Variants in PEAK1 observed in about 807,000 individuals in gnomAD.
PEAK1 encodes inactive tyrosine-protein kinase PEAK1.
In PEAK1, 54 loss-of-function variants were observed where a neutral mutation model predicts 124.7. The ratio of observed to expected loss-of-function variants is 0.43; its 90% CI spans 0.35 to 0.54. PEAK1 has a LOEUF of 0.54. Ranked by LOEUF, PEAK1 falls within the 20% of genes least tolerant of loss-of-function variation. PEAK1 has a pLI of 0.01. For synonymous variants in PEAK1, 719 were observed against 760.0 expected, an observed-to-expected ratio of 0.95 and a Z score of 0.89; for missense variants, 2,046 against 2,134.5, an observed-to-expected ratio of 0.96 and a Z score of 0.82.
In PEAK1 at chr15:77,179,116, T is replaced by G; in HGVS notation, c.2811A>C (p.Thr937=). The change falls in exon 7 of 10, where the codon ACA becomes ACC. Residue 937 remains threonine (T), a synonymous_variant. Transcript: ENST00000682557. ...CTTTCTCTTTGTCATCCTCCTCATC[T>G]GTTTTCCGACGGCGGAAGAAGCTTT... is the stretch of plus-strand genomic sequence containing the variant. The part of the protein sequence containing the change: ...SFKSFFRRRK[T]DEEDDKEKER... 1.2e-6 allele frequency: 2 copies of G among 1,614,206 alleles called. No individual in the cohort carries two copies. Among genetic ancestry groups the G allele is most frequent in the South Asian group, 2.2e-5 (2 of 91,088 alleles).
At position 77,108,616 on chromosome 15, in the gene PEAK1, T is replaced by C. The variant is rs1182243903; in HGVS notation, c.*5540A>G. 1 of 152,340 alleles carries C rather than the reference T, an allele frequency of 6.6e-6. No homozygotes were observed. The highest frequency in any genetic ancestry group is 2.4e-5 in the African/African-American group (1 of 41,572). 9.4% of individuals were successfully genotyped at this position (152,340 alleles called of 1,614,324 possible). On this transcript the variant is annotated 3_prime_UTR_variant, in exon 10 of 10. Transcript: ENST00000682557. ...TTTAACCTTTCAAAAATGAACCCTA[T>C]GTCTGGTTCAACATTCAAGTTATCA... is the stretch of plus-strand genomic sequence containing the variant.
At chr15:77,355,839 T>C in intron 2 of PEAK1, 1 of 985,238 alleles carries the variant, frequency 1.0e-6, no homozygotes, top group East Asian at 1.1e-4. Flanking sequence ...GCTGACCCCC[T>C]CCCAGAATAT....
intron 7 of PEAK1, 128 bp downstream of exon 7, chr15:77,178,662 T>TA: frequency 1.1e-6 from 1 of 870,788 alleles, no homozygotes; most frequent in Non-Finnish European, 1.7e-6. Flanking sequence ...GTTATAAAGA[T>TA]AGATGATGGC....
intron 2 of PEAK1, among the ~76,000 whole-genome samples, chr15:77,354,278 G>A (rs1021503180): frequency 2.0e-5 from 3 of 152,186 alleles, no homozygotes; most frequent in Non-Finnish European, 4.4e-5. Context: ...CAACTTGAGA[G>A]TCATCTCTGA....
At chr15:77,232,341 T>C (rs1001124995) in intron 6 of PEAK1, among the ~76,000 whole-genome samples, 4 of 151,914 alleles carry the variant, frequency 2.6e-5, no homozygotes, top group Admixed American at 2.0e-4. Flanking sequence ...ACACACACTG[T>C]GCCAACTGTG....
intron 6 of PEAK1, among the ~76,000 whole-genome samples, chr15:77,201,440 G>A (rs183001784): frequency 3.3e-5 from 5 of 151,794 alleles, no homozygotes; most frequent in South Asian, 2.1e-4. Context: ...GGGTTTCATC[G>A]TGTTAGCCAG....
chr15:77,396,812 A>AAG (rs1166618643), intron 1 of PEAK1, among the ~76,000 whole-genome samples: 1 of 151,978 alleles, frequency 6.6e-6, no homozygotes, highest in Non-Finnish European at 1.5e-5. Context: ...GCAAGCAAGC[A>AAG]AGAGAGAGAG....
chr15:77,336,778 C>T (rs761012244), intron 2 of PEAK1, among the ~76,000 whole-genome samples: 8 of 151,536 alleles, frequency 5.3e-5, no homozygotes, highest in Non-Finnish European at 1.5e-5. Flanking sequence ...AAGACAAATA[C>T]ACAGTATACA....
At chr15:77,355,832 G>A in intron 2 of PEAK1, 4 of 985,260 alleles carry the variant, frequency 4.1e-6, no homozygotes, top group Non-Finnish European at 3.6e-6. Flanking sequence ...AAAAACTGCT[G>A]ACCCCCTCCC....
At chr15:77,263,097 C>G (rs2061527221) in intron 5 of PEAK1, among the ~76,000 whole-genome samples, 1 of 152,096 alleles carries the variant, frequency 6.6e-6, no homozygotes, top group South Asian at 2.1e-4. Context: ...GGGACACATT[C>G]AAAGCAGTGC....
At position 77,109,318 on chromosome 15, in the gene PEAK1, TTCATCA is replaced by T. The variant is rs147985239; in HGVS notation, c.*4832_*4837del. 5 of 152,166 alleles carry T rather than the reference TTCATCA, an allele frequency of 3.3e-5. No homozygotes were observed. The highest frequency in any genetic ancestry group is 9.7e-5 in the African/African-American group (4 of 41,402). 9.4% of individuals were successfully genotyped at this position (152,166 alleles called of 1,614,324 possible). ...TGTATCTGCCAGGGCTTTCTTCATC[TTCATCA>T]TCATCATCATCTTCTAATATACAAA... On this transcript the variant is annotated 3_prime_UTR_variant, in exon 10 of 10. Transcript: ENST00000682557.
In PEAK1 at chr15:77,238,343, C is replaced by T. The variant is rs112753178; in HGVS notation, c.-115+14024G>A. Among the ~76,000 whole-genome samples the T allele has an allele frequency of 1.8e-3, 270 of 152,170 alleles. 2 individuals carry two copies. The highest frequency in any genetic ancestry group is 5.6e-3 in the African/African-American group (233 of 41,562). Reference sequence around the variant, plus strand: ...TGTCTATCCTCAGTGTCTCTCAACTCGCCTTTTTTTTCTTCCTGTTTGTCC... The same window carrying T: ...TGTCTATCCTCAGTGTCTCTCAACTTGCCTTTTTTTTCTTCCTGTTTGTCC... On this transcript the variant is annotated intron_variant, in intron 6 of 9. Coordinates refer to ENST00000682557, the MANE Select transcript of PEAK1 (RefSeq NM_001385026.1).
intron 6 of PEAK1, among the ~76,000 whole-genome samples, chr15:77,241,643 T>C (rs920515606): frequency 2.0e-5 from 3 of 151,758 alleles, no homozygotes; most frequent in Non-Finnish European, 4.4e-5. Context: ...ATGGTCAACA[T>C]AGAAAAATCA....
At chr15:77,389,002 G>A (rs546961462) in intron 1 of PEAK1, among the ~76,000 whole-genome samples, 5 of 137,834 alleles carry the variant, frequency 3.6e-5, no homozygotes, top group East Asian at 2.1e-4. Context: ...TTGCTCTGTC[G>A]CCCAGGCTGG....
chr15:77,181,215 C>G lies in PEAK1; in HGVS notation c.712G>C (p.Glu238Gln). The change falls in exon 7 of 10, where the codon GAG becomes CAG. Residue 238 changes from glutamate to glutamine, a missense_variant. Glu to Gln is a conservative substitution (Grantham distance 29, BLOSUM62 2). Transcript: ENST00000682557. Reference protein sequence around the residue: ...PEFSSGEESEEDVLFSNMEEE... With the variant: ...PEFSSGEESEQDVLFSNMEEE... ...TCCATGTTACTGAAAAGTACATCCT[C>G]TTCACTCTCCTCGCCACTGGAAAAC... 6.2e-7 allele frequency: 1 copy of G among 1,614,000 alleles called. No individual in the cohort carries two copies. Among genetic ancestry groups the G allele is most frequent in the Non-Finnish European group, 8.5e-7 (1 of 1,179,980 alleles).
At chr15:77,371,999 TC>T (rs2068677116) in intron 1 of PEAK1, among the ~76,000 whole-genome samples, 1 of 152,212 alleles carries the variant, frequency 6.6e-6, no homozygotes, top group Non-Finnish European at 1.5e-5. Context: ...AGTTGAACAG[TC>T]ATAGAGAAAA....
In PEAK1 at chr15:77,180,639, C is replaced by G; in HGVS notation, c.1288G>C (p.Val430Leu). ...RLEEKDGKIA[V>L]QTEKEESKAS... ...TTACTTTCTTCCTTCTCAGTTTGTA[C>G]AGCAATCTTGCCATCTTTCTCTTCT... is the stretch of plus-strand genomic sequence containing the variant. Residue 430 changes from valine (V) to leucine (L), a missense_variant, in exon 7 of 10, where the codon GTA becomes CTA. Transcript: ENST00000682557. The G allele has an allele frequency of 1.2e-6, 2 of 1,614,170 alleles. No individual in the cohort carries two copies. The highest frequency in any genetic ancestry group is 1.7e-6 in the Non-Finnish European group (2 of 1,180,010).
At chr15:77,356,624 T>G (rs2067534175) in intron 2 of PEAK1, among the ~76,000 whole-genome samples, 2 of 152,228 alleles carry the variant, frequency 1.3e-5, no homozygotes, top group South Asian at 4.1e-4. Context: ...AAGATTCTTA[T>G]TCTTAATCCC....
chr15:77,413,033 C>T (rs1156716650), intron 1 of PEAK1, among the ~76,000 whole-genome samples: 5 of 152,038 alleles, frequency 3.3e-5, no homozygotes, highest in Non-Finnish European at 1.5e-5. Flanking sequence ...GAAGGGAAAA[C>T]CTTCCTTATA....
Sources: allele counts gnomAD v4.1 joint callset (sites outside exome capture counted in the v4.1 genomes callset), GRCh38; gene constraint gnomAD v4.1.1; transcripts MANE v1.5; gene names NCBI Gene and HGNC (gene_info 2026-07-23, HGNC 2026-07-21).